The following ZNF808 variants were observed in gnomAD, a reference collection of about 807,000 sequenced individuals.
ZNF808 encodes the protein zinc finger protein 808.
In ZNF808, 5 loss-of-function variants were observed where a neutral mutation model predicts 8.7. The ratio of observed to expected loss-of-function variants is 0.58; its 90% CI spans 0.30 to 1.21. The LOEUF (loss-of-function observed/expected upper bound fraction) is 1.21. ZNF808 is among the 50% of genes most tolerant of loss of function. ZNF808 has a pLI of 0.07. For synonymous variants in ZNF808, 380 were observed against 366.0 expected (o/e 1.04, Z -0.44); for missense variants, 1,103 against 1,098.4 (o/e 1.00, Z -0.06).
chr19:52,563,351 G>A (rs758267954), exon 4 of ZNF808: 3 of 152,108 alleles, frequency 2.0e-5, no homozygotes, highest in Non-Finnish European at 4.4e-5. Flanking sequence ...GGGAAACATG[G>A]TGAGACCCCC....
chr19:52,551,226 C>T (rs1460035642), intron 4 of ZNF808, among the ~76,000 whole-genome samples: 4 of 152,072 alleles, frequency 2.6e-5, no homozygotes, highest in Non-Finnish European at 5.9e-5. Flanking sequence ...TTGGTATGCA[C>T]CTGTTATCCC....
chr19:52,567,112 C>T (rs761386384), downstream of ZNF808, among the ~76,000 whole-genome samples: 41 of 151,962 alleles, frequency 2.7e-4, no homozygotes, highest in Admixed American at 1.6e-3. Flanking sequence ...CCACCACCCC[C>T]GGCTAATCGT....
intron 2 of ZNF808, among the ~76,000 whole-genome samples, chr19:52,536,888 A>G (rs547274519): frequency 6.6e-6 from 1 of 152,232 alleles, no homozygotes; most frequent in Non-Finnish European, 1.5e-5. Flanking sequence ...AGAAGGAGCA[A>G]CAAGAGGTTA....
chr19:52,551,525 A>G (rs181511518), intron 4 of ZNF808, among the ~76,000 whole-genome samples: 1 of 152,288 alleles, frequency 6.6e-6, no homozygotes, highest in East Asian at 1.9e-4. Context: ...GCTGGTGGTT[A>G]AGTAGAAGTT....
Position 52,553,991 on chromosome 19 carries a change from T to G in ZNF808, c.1075T>G (p.Ser359Ala), listed in dbSNP as rs1160543470. ...GKAFNQQSHLSRHQRLHTGVK... is the reference protein window; with the variant it reads ...GKAFNQQSHLARHQRLHTGVK... ...GGCTTTTAATCAACAATCACACCTT[T>G]CACGCCATCAAAGACTTCATACTGG... Residue 359 changes from serine (S) to alanine (A), a missense_variant, in exon 5 of 5, where the codon TCA becomes GCA. Transcript: ENST00000359798. 3 of 1,613,970 alleles carry G rather than the reference T, an allele frequency of 1.9e-6. No homozygotes were observed. Among genetic ancestry groups the G allele is most frequent in the South Asian group, 1.1e-5 (1 of 91,072 alleles).
intron 2 of ZNF808, among the ~76,000 whole-genome samples, chr19:52,542,039 A>C (rs1449732548): frequency 6.6e-6 from 1 of 152,220 alleles, no homozygotes; most frequent in Non-Finnish European, 1.5e-5. Context: ...TGTAATTTAT[A>C]ATATAAAGAG....
At chr19:52,529,792 C>CT (rs1440712723) in intron 1 of ZNF808, among the ~76,000 whole-genome samples, 1 of 151,960 alleles carries the variant, frequency 6.6e-6, no homozygotes, top group Non-Finnish European at 1.5e-5. Flanking sequence ...GCGTGATCCT[C>CT]TAACTGTAGC....
At chr19:52,565,331 T>C (rs1200276365), downstream of ZNF808, among the ~76,000 whole-genome samples, 1 of 152,122 alleles carries the variant, frequency 6.6e-6, no homozygotes, top group Non-Finnish European at 1.5e-5. Flanking sequence ...GTCACAATAC[T>C]TGTGAAAGGA....
At position 52,554,002 on chromosome 19, in the gene ZNF808, A is replaced by G; in HGVS notation, c.1086A>G (p.Gln362=). 3 of 1,613,994 alleles carry G rather than the reference A, an allele frequency of 1.9e-6. No homozygotes were observed. Among genetic ancestry groups the G allele is most frequent in the African/African-American group, 1.3e-5 (1 of 74,980 alleles). Residue 362 remains glutamine (Q), a synonymous_variant, in exon 5 of 5, where the codon CAA becomes CAG. Coordinates refer to ENST00000359798, the MANE Select transcript of ZNF808 (RefSeq NM_001039886.4). Reference sequence around the variant, plus strand: ...AACAATCACACCTTTCACGCCATCAAAGACTTCATACTGGAGTGAAACCTT... The same window carrying G: ...AACAATCACACCTTTCACGCCATCAGAGACTTCATACTGGAGTGAAACCTT... The part of the protein sequence containing the change: ...FNQQSHLSRH[Q]RLHTGVKPYK...
intron 4 of ZNF808, among the ~76,000 whole-genome samples, chr19:52,550,236 T>TG (rs1357830761): frequency 6.6e-6 from 1 of 151,874 alleles, no homozygotes; most frequent in Non-Finnish European, 1.5e-5. Context: ...TTGGTTTTTT[T>TG]TTTTTGTTTT....
At chr19:52,544,273 G>A (rs2123137068) in intron 3 of ZNF808, among the ~76,000 whole-genome samples, 1 of 152,284 alleles carries the variant, frequency 6.6e-6, no homozygotes, top group South Asian at 2.1e-4. Flanking sequence ...AATCGCTACT[G>A]TAGCCTCCCA....
chr19:52,549,541 A>G (rs1299908302), intron 4 of ZNF808, among the ~76,000 whole-genome samples: 2 of 152,004 alleles, frequency 1.3e-5, no homozygotes, highest in Non-Finnish European at 2.9e-5. Context: ...CCCATATTGT[A>G]ATTTGAATAT....
chr19:52,553,054 A>G (rs1019191676), intron 4 of ZNF808, 53 bp from the exon 5 acceptor site: 3 of 1,496,470 alleles, frequency 2.0e-6, no homozygotes, highest in East Asian at 4.6e-5. Flanking sequence ...ACACTTCAGT[A>G]TGATTTACCA....
chr19:52,556,565 C>T (rs1199621423), downstream of ZNF808: 3 of 152,230 alleles, frequency 2.0e-5, no homozygotes, highest in East Asian at 5.8e-4. Context: ...CTCAGGTGAT[C>T]TGCCCACCTT....
chr19:52,539,057 G>T (rs528285992), intron 2 of ZNF808, among the ~76,000 whole-genome samples: 22 of 152,112 alleles, frequency 1.4e-4, no homozygotes, highest in African/African-American at 3.4e-4. Context: ...GGTCGGGAGT[G>T]GGGGAGAGAA....
chr19:52,537,365 T>C (rs565822561), intron 2 of ZNF808, among the ~76,000 whole-genome samples: 16 of 151,028 alleles, frequency 1.1e-4, no homozygotes, highest in East Asian at 4.0e-4. Context: ...GAGAGATATG[T>C]ACAGAATTAG....
At chr19:52,550,772 G>A (rs768536357) in intron 4 of ZNF808, among the ~76,000 whole-genome samples, 5 of 152,116 alleles carry the variant, frequency 3.3e-5, no homozygotes, top group African/African-American at 4.8e-5. Flanking sequence ...TCATCCACCT[G>A]CTTTTTAAAA....
chr19:52,529,114 G>T (rs1428270585), intron 1 of ZNF808, among the ~76,000 whole-genome samples: 1 of 151,874 alleles, frequency 6.6e-6, no homozygotes, highest in Non-Finnish European at 1.5e-5. Flanking sequence ...AGTGGCTCAC[G>T]CCTGTAGTCT....
chr19:52,565,064 C>T (rs1431106011), downstream of ZNF808, among the ~76,000 whole-genome samples: 3 of 151,756 alleles, frequency 2.0e-5, no homozygotes, highest in Non-Finnish European at 2.9e-5. Flanking sequence ...CTGGCCTGGG[C>T]GAAAGAGTGA....
Sources: allele counts gnomAD v4.1 joint callset (sites outside exome capture counted in the v4.1 genomes callset), GRCh38; gene constraint gnomAD v4.1.1; transcripts MANE v1.5; gene names NCBI Gene and HGNC (gene_info 2026-07-23, HGNC 2026-07-21).